Variants in AHNAK observed in about 807,000 individuals in gnomAD.
AHNAK encodes the protein neuroblast differentiation-associated protein AHNAK.
AHNAK carries 23 observed loss-of-function variants against 37.8 expected under a neutral mutation model. The ratio of observed to expected loss-of-function variants is 0.61; its 90% CI spans 0.44 to 0.86. The LOEUF (loss-of-function observed/expected upper bound fraction) is 0.86, where lower values mean the gene tolerates loss of function less well. AHNAK is among the 40% of genes least tolerant of loss of function. The probability of loss-of-function intolerance (pLI) is 0.00; values close to 1 mark genes in which losing one functional copy is unlikely to be tolerated. For synonymous variants in AHNAK, 2,481 were observed against 2,636.3 expected (o/e 0.94, Z 1.80); for missense variants, 7,411 against 7,319.4 (o/e 1.01, Z -0.46).
chr11:62,517,666 C>G lies in AHNAK; in HGVS notation c.16751G>C (p.Gly5584Ala). Residue 5584 changes from glycine to alanine, a missense_variant, in exon 5 of 5, where the codon GGT becomes GCT. By Grantham distance (60) the Gly-to-Ala change is moderately conservative. Coordinates refer to ENST00000378024, the MANE Select transcript of AHNAK (RefSeq NM_001620.3). ...ACCTTTAACACTCAAATGCCCTTCACCAAGGCTGATGTCTGGGGCACTGAC... is the reference window on the plus strand; with the variant it reads ...ACCTTTAACACTCAAATGCCCTTCAGCAAGGCTGATGTCTGGGGCACTGAC... The part of the protein sequence containing the change: ...GGVSAPDISL[G>A]EGHLSVKGSG... 1 of 1,614,202 alleles carries G rather than the reference C, an allele frequency of 6.2e-7. No individual in the cohort carries two copies. The highest frequency in any genetic ancestry group is 8.5e-7 in the Non-Finnish European group (1 of 1,180,030).
Position 62,528,910 on chromosome 11 carries a change from G to A in AHNAK, c.5507C>T (p.Ala1836Val). 6.2e-7 allele frequency: 1 copy of A among 1,613,830 alleles called. No individual in the cohort carries two copies. The highest frequency in any genetic ancestry group is 8.5e-7 in the Non-Finnish European group (1 of 1,179,962). The change falls in exon 5 of 5, where the codon GCA (alanine) becomes GTA (valine). Residue 1836 changes from alanine (A) to valine (V), a missense_variant. By Grantham distance (64) the Ala-to-Val change is moderately conservative. Coordinates refer to ENST00000378024, the MANE Select transcript of AHNAK (RefSeq NM_001620.3). ...VPDVDLECPD[A>V]KLKGPKFKMP... The stretch of plus-strand genomic sequence containing the variant: ...CTTAAACTTGGGCCCTTTCAACTTT[G>A]CATCAGGACACTCCAGATCAACATC...
intron 5 of AHNAK, among the ~76,000 whole-genome samples, chr11:62,490,724 T>C (rs1394454643): frequency 2.6e-5 from 4 of 152,282 alleles, no homozygotes; most frequent in Non-Finnish European, 4.4e-5. Flanking sequence ...CATGTGGGAA[T>C]GTGGGCTCAG....
Position 62,533,817 on chromosome 11 carries a change from C to T in AHNAK, c.600G>A (p.Gln200=). ...TEISNVDVET[Q]SGKTVIRLPS... ...GCAGTCTGATCACGGTCTTCCCAGA[C>T]TGGGTCTCCACATCCACATTGGAGA... Residue 200 remains glutamine, a synonymous_variant, in exon 5 of 5, where the codon CAG becomes CAA. Transcript: ENST00000378024. 1 of 1,614,186 alleles carries T rather than the reference C, an allele frequency of 6.2e-7. No homozygotes were observed. The highest frequency in any genetic ancestry group is 1.3e-5 in the African/African-American group (1 of 75,054).
intron 5 of AHNAK, among the ~76,000 whole-genome samples, chr11:62,442,732 G>A (rs1938334706): frequency 6.6e-6 from 1 of 151,418 alleles, no homozygotes; most frequent in African/African-American, 2.4e-5. Flanking sequence ...AACCGGGTGT[G>A]GTGGCGCACA....
In AHNAK at chr11:62,532,335, T is replaced by G. The variant is rs747230361; in HGVS notation, c.2082A>C (p.Thr694=). The change falls in exon 5 of 5, where the codon ACA becomes ACC. Residue 694 remains threonine, a synonymous_variant. Coordinates refer to ENST00000378024, the MANE Select transcript of AHNAK (RefSeq NM_001620.3). ...DVKLPDMSVK[T]PKISMPDVDL... is the part of the protein sequence containing the mutation. ...CTACATCAGGCATGGAGATCTTTGG[T>G]GTCTTGACACTCATATCAGGCAGCT... 1 of 1,614,198 alleles carries G rather than the reference T, an allele frequency of 6.2e-7. No homozygotes were observed. Among genetic ancestry groups the G allele is most frequent in the South Asian group, 1.1e-5 (1 of 91,082 alleles).
At chr11:62,459,204 T>G (rs1938734208) in intron 5 of AHNAK, among the ~76,000 whole-genome samples, 1 of 152,144 alleles carries the variant, frequency 6.6e-6, no homozygotes, top group Non-Finnish European at 1.5e-5. Context: ...TACTCACAGT[T>G]GAATGTGGAC....
In AHNAK at chr11:62,521,837, G is replaced by A; in HGVS notation, c.12580C>T (p.Pro4194Ser). ...TTGAAGCCAGGCATGCTGAACTTGGGCATTTTCACTTTGGGCATTTTTAAG... is the reference window on the plus strand; with the variant it reads ...TTGAAGCCAGGCATGCTGAACTTGGACATTTTCACTTTGGGCATTTTTAAG... ...WHLKMPKVKM[P>S]KFSMPGFKGE... Residue 4194 changes from proline to serine, a missense_variant, in exon 5 of 5, where the codon CCC (proline) becomes TCC (serine). Pro to Ser is a moderately conservative substitution (Grantham distance 74). Coordinates refer to ENST00000378024, the MANE Select transcript of AHNAK (RefSeq NM_001620.3). The A allele has an allele frequency of 6.2e-7, 1 of 1,613,096 alleles. No homozygotes were observed. The highest frequency in any genetic ancestry group is 8.5e-7 in the Non-Finnish European group (1 of 1,179,852).
At position 62,533,358 on chromosome 11, in the gene AHNAK, C is replaced by A; in HGVS notation, c.1059G>T (p.Gln353His). 6.4e-7 allele frequency: 1 copy of A among 1,567,188 alleles called. No individual in the cohort carries two copies. The highest frequency in any genetic ancestry group is 8.6e-7 in the Non-Finnish European group (1 of 1,157,994). Residue 353 changes from glutamine (Q) to histidine (H), a missense_variant, in exon 5 of 5, where the codon CAG (glutamine) becomes CAT (histidine). Coordinates refer to ENST00000378024, the MANE Select transcript of AHNAK (RefSeq NM_001620.3). ...GKPGLTIQAP[Q>H]LEVSVPSANI... ...TGGCAGAGGGCACACTGACTTCCAG[C>A]TGAGGGGCTTGGATAGTCAAGCCTG...
intron 5 of AHNAK, among the ~76,000 whole-genome samples, chr11:62,434,990 G>A (rs971561876): frequency 1.3e-5 from 2 of 149,970 alleles, no homozygotes; most frequent in Non-Finnish European, 2.9e-5. Context: ...CTGGAACCAG[G>A]CCTCCTTTCC....
intron 1 of AHNAK, among the ~76,000 whole-genome samples, chr11:62,540,952 T>C (rs1227381395): frequency 6.6e-6 from 1 of 152,186 alleles, no homozygotes; most frequent in South Asian, 2.1e-4. Context: ...AGGAAGCAGA[T>C]TCTTGACCCC....
chr11:62,504,745 G>C (rs1457278743), intron 4 of AHNAK, among the ~76,000 whole-genome samples: 2 of 152,052 alleles, frequency 1.3e-5, no homozygotes, highest in African/African-American at 4.8e-5. Context: ...CCTCCACATA[G>C]GGGTCAAGCG....
downstream of AHNAK, among the ~76,000 whole-genome samples, chr11:62,512,412 A>G (rs1393921298): frequency 6.6e-6 from 1 of 152,202 alleles, no homozygotes; most frequent in African/African-American, 2.4e-5. This position sits in a 1 kb window ranked among gnomAD's most constrained non-coding sequence, Gnocchi z 4.0. Context: ...CTTCTTCCTC[A>G]TATCCTTCAG....
chr11:62,478,699 C>T (rs576141475), intron 5 of AHNAK, among the ~76,000 whole-genome samples: 4 of 144,500 alleles, frequency 2.8e-5, no homozygotes, highest in Non-Finnish European at 6.0e-5. Context: ...TGCAGTGAGC[C>T]GTGATCATAC....
In AHNAK at chr11:62,521,972, C is replaced by T. The variant is rs751007155; in HGVS notation, c.12445G>A (p.Val4149Ile). The T allele has an allele frequency of 1.2e-5, 20 of 1,613,074 alleles. No individual in the cohort carries two copies. The highest frequency in any genetic ancestry group is 6.7e-5 in the African/African-American group (5 of 74,512). The change falls in exon 5 of 5, where the codon GTT becomes ATT. Residue 4149 changes from valine to isoleucine, a missense_variant. Coordinates refer to ENST00000378024, the MANE Select transcript of AHNAK (RefSeq NM_001620.3). Reference protein sequence around the residue: ...KGPKMKGDVDVSLPKVEGDLK... With the variant: ...KGPKMKGDVDISLPKVEGDLK... ...TCGCCTTCCACTTTGGGCAGAGAAA[C>T]GTCCACGTCGCCCTTCATCTTTGGA...
At chr11:62,469,413 C>T (rs114429950) in intron 5 of AHNAK, among the ~76,000 whole-genome samples, 60 of 151,896 alleles carry the variant, frequency 4.0e-4, no homozygotes, top group Admixed American at 3.3e-4. Context: ...TGAACTACTG[C>T]GTCCAGCCCC....
Position 62,447,380 on chromosome 11 carries a change from G to A in AHNAK, c.443-13489C>T, listed in dbSNP as rs915123121. On this transcript the variant is annotated intron_variant, in intron 5 of 5. Coordinates refer to the AHNAK transcript ENST00000257247. ...AGATTAGCAGGAATCTTCTGGGGAC[G>A]ATCCCTCCATCATCACCACCCCACA... is the stretch of plus-strand genomic sequence containing the variant. Among the ~76,000 whole-genome samples, 16 of 152,048 alleles carry A rather than the reference G, an allele frequency of 1.1e-4. 1 individual carries two copies. Among genetic ancestry groups the A allele is most frequent in the African/African-American group, 3.1e-4 (13 of 41,388 alleles).
intron 4 of AHNAK, among the ~76,000 whole-genome samples, chr11:62,496,671 T>C (rs1349213710): frequency 6.6e-6 from 1 of 152,108 alleles, no homozygotes; most frequent in Non-Finnish European, 1.5e-5. Context: ...GGCGCGTGCC[T>C]GTAGTCCCAG....
At chr11:62,491,956 A>G (rs1014149559) in intron 4 of AHNAK, 9 of 760,536 alleles carry the variant, frequency 1.2e-5, no homozygotes, top group Non-Finnish European at 1.7e-5. Flanking sequence ...CCACCCCCCA[A>G]CACACCCCAA....
rs757245646 is a variant in AHNAK at position 62,532,588 on chromosome 11, A to C, written c.1829T>G (p.Val610Gly). The change falls in exon 5 of 5, where the codon GTG becomes GGG. Residue 610 changes from valine to glycine, a missense_variant. Transcript: ENST00000378024. ...VPEVDVRGPKVDVSAPDVEAH... is the reference protein window; with the variant it reads ...VPEVDVRGPKGDVSAPDVEAH... ...TTCGACATCTGGGGCACTGACATCC[A>C]CTTTGGGGCCTCTGACATCAACTTC... The C allele has an allele frequency of 1.2e-6, 2 of 1,614,092 alleles. No homozygotes were observed. Among genetic ancestry groups the C allele is most frequent in the Non-Finnish European group, 1.7e-6 (2 of 1,180,020 alleles).
Sources: gnomAD v4.1 joint callset for allele counts (sites outside exome capture counted in the v4.1 genomes callset) on GRCh38, gnomAD v4.1.1 for gene constraint, Gnocchi (gnomAD v3.1) non-coding constraint, MANE v1.5 for transcripts, NCBI Gene and HGNC (gene_info 2026-07-23, HGNC 2026-07-21) for gene names.